Variants in MED27 observed in about 807,000 individuals in gnomAD.
MED27 encodes the protein mediator complex subunit 27, also known as mediator of RNA polymerase II transcription subunit 27.
A neutral mutation model predicts 38.2 loss-of-function variants in MED27; 30 were observed. The observed-to-expected ratio is 0.79, with a 90% confidence interval of 0.59 to 1.07. The LOEUF (loss-of-function observed/expected upper bound fraction) is 1.07. MED27 is among the 50% of genes least tolerant of loss of function. The probability of loss-of-function intolerance (pLI) is 0.00; values close to 1 mark genes in which losing one functional copy is unlikely to be tolerated. For synonymous variants in MED27, 122 were observed against 153.5 expected (o/e 0.79, Z 1.52); for missense variants, 289 against 397.5 (o/e 0.73, Z 2.32).
chr9:131,914,528 A>G (rs1830251327), intron 4 of MED27, among the ~76,000 whole-genome samples: 1 of 152,226 alleles, frequency 6.6e-6, no homozygotes, highest in South Asian at 2.1e-4. Flanking sequence ...AAAGCGTTGT[A>G]CACTGAGGAT....
chr9:132,046,098 A>G (rs9411433), intron 2 of MED27, among the ~76,000 whole-genome samples: 86,026 of 152,082 alleles, frequency 0.57, 26,475 homozygotes, highest in Non-Finnish European at 0.68. Context: ...ATGACCACGT[A>G]TAAATATGAA....
intron 6 of MED27, among the ~76,000 whole-genome samples, chr9:131,878,329 T>C (rs1035454432): frequency 6.0e-5 from 9 of 151,044 alleles, no homozygotes; most frequent in African/African-American, 2.0e-4. Flanking sequence ...AATAATCAAC[T>C]AATAAATGAA....
intron 3 of MED27, among the ~76,000 whole-genome samples, chr9:131,939,772 C>A (rs1830750430): frequency 6.6e-6 from 1 of 152,188 alleles, no homozygotes; most frequent in Non-Finnish European, 1.5e-5. Flanking sequence ...ATGGCCCCCT[C>A]CCTTTGTCCT....
chr9:131,873,719 G>C (rs868344905), intron 6 of MED27, among the ~76,000 whole-genome samples: 2 of 152,232 alleles, frequency 1.3e-5, no homozygotes, highest in Non-Finnish European at 2.9e-5. Context: ...TGGAACTGGA[G>C]AGGTGAAGGC....
chr9:132,030,886 C>A (rs551893373), intron 2 of MED27, among the ~76,000 whole-genome samples: 1 of 152,194 alleles, frequency 6.6e-6, no homozygotes, highest in South Asian at 2.1e-4. Context: ...GAGACAGCAA[C>A]AGAAAGAGAG....
intron 3 of MED27, among the ~76,000 whole-genome samples, chr9:131,948,267 T>C (rs1830921008): frequency 6.6e-6 from 1 of 151,870 alleles, no homozygotes; most frequent in Non-Finnish European, 1.5e-5. Context: ...GGAGGATCAG[T>C]TGAGGTCAGG....
intron 2 of MED27, among the ~76,000 whole-genome samples, chr9:132,058,481 G>A (rs922649985): frequency 2.0e-5 from 3 of 151,808 alleles, no homozygotes; most frequent in Non-Finnish European, 4.4e-5. Context: ...CTTCTCTCTC[G>A]GTATCATAAG....
At chr9:132,002,563 C>T (rs1308853621) in intron 3 of MED27, among the ~76,000 whole-genome samples, 2 of 152,124 alleles carry the variant, frequency 1.3e-5, no homozygotes, top group Non-Finnish European at 2.9e-5. Flanking sequence ...CAGGGACTTG[C>T]TTTCTGGGCC....
At chr9:132,038,188 CT>C (rs144353393) in intron 2 of MED27, among the ~76,000 whole-genome samples, 644 of 125,684 alleles carry the variant, frequency 5.1e-3, no homozygotes, top group African/African-American at 0.018. Context: ...AGGCATCCTT[CT>C]TTTTTTTTTT....
chr9:131,968,566 A>T (rs866978697), intron 3 of MED27, among the ~76,000 whole-genome samples: 1 of 152,028 alleles, frequency 6.6e-6, no homozygotes, highest in African/African-American at 2.4e-5. Flanking sequence ...GTGCATGCAG[A>T]GATAGGCCCA....
chr9:132,071,163 T>C (rs781693877), intron 2 of MED27, among the ~76,000 whole-genome samples: 4 of 152,152 alleles, frequency 2.6e-5, no homozygotes, highest in Non-Finnish European at 5.9e-5. Context: ...ACAATTATCA[T>C]TCCCATCTTA....
intron 4 of MED27, among the ~76,000 whole-genome samples, chr9:131,910,687 C>A (rs1285564017): frequency 6.6e-6 from 1 of 152,156 alleles, no homozygotes; most frequent in African/African-American, 2.4e-5. Context: ...CTAAACAACA[C>A]CGGCTAAGGT....
chr9:131,923,841 C>T (rs911963962), intron 4 of MED27, among the ~76,000 whole-genome samples: 3 of 152,104 alleles, frequency 2.0e-5, no homozygotes, highest in Admixed American at 1.3e-4. Context: ...TTATATCTCC[C>T]TTTTTCCAGA....
chr9:132,070,120 T>G (rs547050223), intron 2 of MED27, among the ~76,000 whole-genome samples: 1 of 152,066 alleles, frequency 6.6e-6, no homozygotes, highest in Non-Finnish European at 1.5e-5. Context: ...CGTCCCAAAT[T>G]AGAAAGCTGG....
In MED27 at chr9:131,860,732, C is replaced by T. The variant is rs892506267; in HGVS notation, c.802-60G>A. Reference sequence around the variant, plus strand: ...GGGATACGGGTGCTCCCAAAGTCCTCCTTCCTATCAAGCCTAATGGCCCAG... The same window carrying T: ...GGGATACGGGTGCTCCCAAAGTCCTTCTTCCTATCAAGCCTAATGGCCCAG... On this transcript the variant is annotated intron_variant, in intron 7 of 7. Coordinates refer to ENST00000292035, the MANE Select transcript of MED27 (RefSeq NM_004269.4). The surrounding 1 kb of genome is among the most constrained non-coding windows in gnomAD (Gnocchi z 5.8). 5.1e-6 allele frequency: 8 copies of T among 1,583,548 alleles called. No homozygotes were observed. In the Admixed American group the frequency reaches 8.8e-5, roughly 17 times the overall value.
At chr9:131,925,138 A>C (rs944360076) in intron 4 of MED27, among the ~76,000 whole-genome samples, 1 of 152,230 alleles carries the variant, frequency 6.6e-6, no homozygotes, top group South Asian at 2.1e-4. Context: ...GTCCTAAACC[A>C]AGCAATTCCA....
intron 3 of MED27, among the ~76,000 whole-genome samples, chr9:131,966,565 T>G (rs1289072318): frequency 6.6e-6 from 1 of 152,066 alleles, no homozygotes; most frequent in Non-Finnish European, 1.5e-5. Context: ...ACAACAAGTT[T>G]AAAATGTCTT....
intron 2 of MED27, among the ~76,000 whole-genome samples, chr9:132,067,712 T>C (rs1833839626): frequency 6.6e-6 from 1 of 152,042 alleles, no homozygotes; most frequent in African/African-American, 2.4e-5. Context: ...ATGTTCTTTT[T>C]GTTGTTGTTG....
chr9:132,046,361 A>G (rs1833337361), intron 2 of MED27, among the ~76,000 whole-genome samples: 1 of 152,194 alleles, frequency 6.6e-6, no homozygotes, highest in African/African-American at 2.4e-5. Context: ...CAGGCCAACT[A>G]ATATTGCTAT....
Sources: allele counts gnomAD v4.1 joint callset (sites outside exome capture counted in the v4.1 genomes callset), GRCh38; gene constraint gnomAD v4.1.1; non-coding constraint Gnocchi (gnomAD v3.1); transcripts MANE v1.5; gene names NCBI Gene and HGNC (gene_info 2026-07-23, HGNC 2026-07-21).